FANK1: variants seen among roughly 807,000 people sequenced by gnomAD.
FANK1 encodes fibronectin type III and ankyrin repeat domains 1, also known as fibronectin type 3 and ankyrin repeat domains protein 1.
In FANK1, 44 loss-of-function variants were observed where a neutral mutation model predicts 45.3. The ratio of observed to expected loss-of-function variants is 0.97; its 90% CI spans 0.76 to 1.25. The LOEUF is 1.25. Ranked by LOEUF, FANK1 falls within the 50% of genes most tolerant of loss-of-function variation. The probability of loss-of-function intolerance (pLI) is 0.00; values close to 1 mark genes in which losing one functional copy is unlikely to be tolerated. For synonymous variants in FANK1, 149 were observed against 152.5 expected (o/e 0.98, Z 0.17); for missense variants, 391 against 424.4 (o/e 0.92, Z 0.69).
chr10:125,908,383 A>G (rs1945715300), intron 1 of FANK1, among the ~76,000 whole-genome samples: 1 of 152,212 alleles, frequency 6.6e-6, no homozygotes, highest in Non-Finnish European at 1.5e-5. Flanking sequence ...ATGGATAAAG[A>G]AAATGTGGTA....
chr10:125,995,192 G>A (rs1194552989), intron 3 of FANK1, among the ~76,000 whole-genome samples: 1 of 152,064 alleles, frequency 6.6e-6, no homozygotes, highest in African/African-American at 2.4e-5. Flanking sequence ...TGTATAACTT[G>A]GAAATGTCCC....
chr10:125,982,539 CT>C (rs1267109938), intron 2 of FANK1, among the ~76,000 whole-genome samples: 2 of 152,202 alleles, frequency 1.3e-5, no homozygotes, highest in African/African-American at 4.8e-5. Flanking sequence ...ATCTTGACCT[CT>C]TTTGCTTCCT....
chr10:125,997,252 T>C (rs1299829159), intron 5 of FANK1, among the ~76,000 whole-genome samples, 168 bp from the exon 6 acceptor site: 1 of 152,082 alleles, frequency 6.6e-6, no homozygotes, highest in Non-Finnish European at 1.5e-5. Context: ...AGAGGTGGTT[T>C]TCTGGTTTAA....
chr10:125,925,301 T>C (rs1383852979), intron 1 of FANK1, among the ~76,000 whole-genome samples: 1 of 152,286 alleles, frequency 6.6e-6, no homozygotes, highest in Non-Finnish European at 1.5e-5. Context: ...TAATTTGAAC[T>C]TTTATCAAAA....
chr10:125,935,492 G>A (rs1948037413), intron 1 of FANK1, among the ~76,000 whole-genome samples: 1 of 152,276 alleles, frequency 6.6e-6, no homozygotes, highest in East Asian at 1.9e-4. Flanking sequence ...AGAAACTAAA[G>A]TCTTGTTGGG....
At position 125,988,349 on chromosome 10, in the gene FANK1, G is replaced by T. The variant is rs547915990; in HGVS notation, c.192-202G>T. ...GTCAGGCCCTGGACTAGGCCCTATG[G>T]GACAGAGTGCACCTGCTGGATAGGG... On this transcript the variant is annotated intron_variant, in intron 2 of 10. Coordinates refer to ENST00000368693, the MANE Select transcript of FANK1 (RefSeq NM_145235.5). Among the ~76,000 whole-genome samples, 3 of 152,288 alleles carry T rather than the reference G, an allele frequency of 2.0e-5. No individual in the cohort carries two copies. The East Asian group carries it at 5.8e-4, about 29-fold the overall frequency.
chr10:125,971,660 C>T (rs554862038), intron 1 of FANK1, among the ~76,000 whole-genome samples: 30 of 152,178 alleles, frequency 2.0e-4, no homozygotes, highest in Admixed American at 8.5e-4. Context: ...CTCGCTCCGT[C>T]GCCCAGGCTG....
intron 1 of FANK1, among the ~76,000 whole-genome samples, chr10:125,949,876 C>T (rs1284845658): frequency 1.4e-5 from 2 of 146,012 alleles, no homozygotes; most frequent in Admixed American, 6.9e-5. Context: ...TACTACAAGG[C>T]TACAGTAACC....
At chr10:125,931,307 G>T (rs1459184328) in intron 1 of FANK1, among the ~76,000 whole-genome samples, 1 of 152,188 alleles carries the variant, frequency 6.6e-6, no homozygotes, top group East Asian at 1.9e-4. Context: ...TTTCCATAGT[G>T]GTTGTACTAG....
intron 1 of FANK1, among the ~76,000 whole-genome samples, chr10:125,956,459 T>C (rs1949585047): frequency 1.3e-5 from 2 of 152,234 alleles, no homozygotes; most frequent in Non-Finnish European, 2.9e-5. Context: ...AGATTTATTA[T>C]GTATGAGCAT....
intron 1 of FANK1, among the ~76,000 whole-genome samples, chr10:125,911,444 A>G (rs10794038): frequency 0.38 from 57,502 of 152,142 alleles, 11,322 homozygotes; most frequent in Non-Finnish European, 0.44. Context: ...CATTTGTGGT[A>G]ACTAATTATA....
intron 1 of FANK1, among the ~76,000 whole-genome samples, chr10:125,940,097 C>T (rs1480682869): frequency 3.9e-5 from 6 of 152,044 alleles, no homozygotes; most frequent in East Asian, 1.9e-4. Context: ...GGTAGCCTGT[C>T]GCTCCACACC....
intron 1 of FANK1, among the ~76,000 whole-genome samples, chr10:125,934,985 G>T (rs897328604): frequency 6.6e-5 from 10 of 152,080 alleles, no homozygotes; most frequent in Non-Finnish European, 1.3e-4. Context: ...GGTCTGCTCA[G>T]TGCTGCAGTT....
At position 126,009,232 on chromosome 10, in the gene FANK1, G is replaced by T; in HGVS notation, c.938G>T (p.Gly313Val). The stretch of plus-strand genomic sequence containing the variant: ...TGTTTCCTGTTTCAGTTCGGCAAAG[G>T]TGTCCTAGAAATGGCCAGAGTTTTT... ...DASVKNEFGK[G>V]VLEMARVFDR... The change falls in exon 10 of 11, where the codon GGT becomes GTT. Residue 313 changes from glycine (G) to valine (V), a missense_variant. Gly to Val is a moderately radical substitution (Grantham distance 109). Transcript: ENST00000368693. 1 of 1,614,200 alleles carries T rather than the reference G, an allele frequency of 6.2e-7. No individual in the cohort carries two copies.
At chr10:125,965,163 A>C (rs2134183917) in intron 1 of FANK1, among the ~76,000 whole-genome samples, 1 of 152,352 alleles carries the variant, frequency 6.6e-6, no homozygotes, top group African/African-American at 2.4e-5. Flanking sequence ...TCTCTAAATA[A>C]ATAAATAAAC....
intron 1 of FANK1, among the ~76,000 whole-genome samples, chr10:125,938,053 T>C (rs554941716): frequency 6.6e-6 from 1 of 152,272 alleles, no homozygotes; most frequent in South Asian, 2.1e-4. Context: ...AGACTCCATA[T>C]GTTTATTGGT....
intron 1 of FANK1, among the ~76,000 whole-genome samples, chr10:125,905,813 C>T (rs1223925793): frequency 2.0e-5 from 3 of 152,300 alleles, no homozygotes; most frequent in African/African-American, 7.2e-5. Context: ...GTCCCAGCTA[C>T]TCAGGAAGGT....
intron 1 of FANK1, among the ~76,000 whole-genome samples, chr10:125,931,791 G>A (rs1947769970): frequency 6.6e-6 from 1 of 152,156 alleles, no homozygotes; most frequent in African/African-American, 2.4e-5. Flanking sequence ...CTAAGCCAAT[G>A]TCTAGAAGGG....
chr10:125,934,166 T>C (rs1378894094), intron 1 of FANK1, among the ~76,000 whole-genome samples: 2 of 152,208 alleles, frequency 1.3e-5, no homozygotes, highest in Non-Finnish European at 2.9e-5. Context: ...AATTTCAACA[T>C]AATGTGATGT....
Sources: allele counts gnomAD v4.1 joint callset (sites outside exome capture counted in the v4.1 genomes callset), GRCh38; gene constraint gnomAD v4.1.1; transcripts MANE v1.5; gene names NCBI Gene and HGNC (gene_info 2026-07-23, HGNC 2026-07-21).